PRKD1: variants seen among roughly 807,000 people sequenced by gnomAD.
PRKD1 encodes the protein serine/threonine-protein kinase D1.
A neutral mutation model predicts 95.9 loss-of-function variants in PRKD1; 63 were observed. The observed-to-expected ratio is 0.66, with a 90% CI of 0.54 to 0.81. PRKD1 has a LOEUF of 0.81. Ranked by LOEUF, PRKD1 falls within the 30% of genes least tolerant of loss-of-function variation. The pLI, the probability that PRKD1 is intolerant of heterozygous loss-of-function variation, is 0.00. For missense variants in PRKD1, 1,048 were observed against 1,165.3 expected, an observed-to-expected ratio of 0.90 and a Z score of 1.47; for synonymous variants, 425 against 423.1, an observed-to-expected ratio of 1.00 and a Z score of -0.05.
rs528026056 is a variant in PRKD1, at chr14:29,713,448, T to C, written c.403+12088A>G. On this transcript the variant is annotated intron_variant, in intron 2 of 17. Coordinates refer to ENST00000331968, the MANE Select transcript of PRKD1 (RefSeq NM_002742.3). The stretch of plus-strand genomic sequence containing the variant: ...TTTTTATATGATTCAAGGCAGCTTA[T>C]GAAGTATAACAATAAAGTTATATGA... 9.8e-5 allele frequency among the ~76,000 whole-genome samples: 15 copies of C among 152,322 alleles called. No individual in the cohort carries two copies. In the South Asian group the frequency reaches 3.1e-3, roughly 32 times the overall value.
At chr14:29,634,331 A>C in intron 8 of PRKD1, 87 bp downstream of exon 8, 1 of 1,591,280 alleles carries the variant, frequency 6.3e-7, no homozygotes, top group East Asian at 2.2e-5. Flanking sequence ...TGAGTAATGC[A>C]GAAATCTCAC....
At chr14:29,737,246 C>T (rs1312044759) in intron 1 of PRKD1, among the ~76,000 whole-genome samples, 3 of 142,964 alleles carry the variant, frequency 2.1e-5, no homozygotes, top group Admixed American at 7.3e-5. Context: ...GGCGTGAACC[C>T]GGGAAGCGGA....
chr14:29,648,862 G>A (rs979070018), intron 4 of PRKD1, among the ~76,000 whole-genome samples: 7 of 152,072 alleles, frequency 4.6e-5, no homozygotes, highest in Admixed American at 1.3e-4. Flanking sequence ...CACCGTGTTA[G>A]CCAGGATGGT....
intron 1 of PRKD1, among the ~76,000 whole-genome samples, chr14:29,733,104 A>ATT (rs1203278375): frequency 1.3e-4 from 18 of 136,946 alleles, no homozygotes; most frequent in African/African-American, 4.4e-4. Flanking sequence ...ATTTTTATTT[A>ATT]TTTATTTTTT....
chr14:29,890,571 C>T (rs1893902654), intron 1 of PRKD1, among the ~76,000 whole-genome samples: 1 of 152,114 alleles, frequency 6.6e-6, no homozygotes, highest in Non-Finnish European at 1.5e-5. Flanking sequence ...GTGAGTTAGG[C>T]AATAACCTTA....
chr14:29,709,262 T>C (rs1885229242), intron 2 of PRKD1, among the ~76,000 whole-genome samples: 2 of 151,988 alleles, frequency 1.3e-5, no homozygotes, highest in Admixed American at 6.6e-5. Flanking sequence ...AATAGAAAAA[T>C]ATAGAAGAAT....
chr14:29,777,763 G>C lies in PRKD1; in HGVS notation c.265-52089C>G, dbSNP rs896892128. Among the ~76,000 whole-genome samples the C allele has an allele frequency of 3.9e-5, 6 of 152,224 alleles. No homozygotes were observed. The South Asian group carries it at 8.3e-4, about 21-fold the overall frequency. Reference sequence around the variant, plus strand: ...GACAGAAAGTTACCAAGGATATACAGGAATTGAACTCAGCTCTGCACCAAG... The same window carrying C: ...GACAGAAAGTTACCAAGGATATACACGAATTGAACTCAGCTCTGCACCAAG... On this transcript the variant is annotated intron_variant, in intron 1 of 17. Coordinates refer to ENST00000331968, the MANE Select transcript of PRKD1 (RefSeq NM_002742.3).
At chr14:29,903,327 C>T (rs910407050) in intron 1 of PRKD1, among the ~76,000 whole-genome samples, 2 of 152,174 alleles carry the variant, frequency 1.3e-5, no homozygotes, top group Admixed American at 6.6e-5. Context: ...CTTTGGCACA[C>T]GACCCTTTAA....
At chr14:29,651,057 A>G in intron 4 of PRKD1, among the ~76,000 whole-genome samples, 1 of 152,196 alleles carries the variant, frequency 6.6e-6, no homozygotes, top group Admixed American at 6.5e-5. Context: ...ATAATACTCA[A>G]TGTCAAACAT....
intron 1 of PRKD1, among the ~76,000 whole-genome samples, chr14:29,897,286 A>C: frequency 6.6e-6 from 1 of 152,100 alleles, no homozygotes; most frequent in Admixed American, 6.5e-5. Flanking sequence ...CCTTATTGTA[A>C]TACTACTGTA....
At chr14:29,743,133 T>C (rs1166863144) in intron 1 of PRKD1, among the ~76,000 whole-genome samples, 1 of 152,136 alleles carries the variant, frequency 6.6e-6, no homozygotes. Flanking sequence ...TCTTTGCCTT[T>C]AAAAAAGGGC....
chr14:29,926,113 T>G (rs1309380105), intron 1 of PRKD1, among the ~76,000 whole-genome samples: 1 of 152,224 alleles, frequency 6.6e-6, no homozygotes, highest in Non-Finnish European at 1.5e-5. Flanking sequence ...GATCAGTGAT[T>G]TTTTTCCACC....
At chr14:29,693,918 A>T (rs927692477) in intron 2 of PRKD1, among the ~76,000 whole-genome samples, 2 of 152,178 alleles carry the variant, frequency 1.3e-5, no homozygotes, top group East Asian at 3.8e-4. Context: ...CAGAGCCAAA[A>T]TCCGCCTCCT....
chr14:29,774,151 A>G lies in PRKD1; in HGVS notation c.265-48477T>C, dbSNP rs373567502. ...AAAAACAAACACCTTCTCTGCACTG[A>G]AAGTATAAATGTGCAGGGCAATGAC... On this transcript the variant is annotated intron_variant, in intron 1 of 17. Coordinates refer to ENST00000331968, the MANE Select transcript of PRKD1 (RefSeq NM_002742.3). Among the ~76,000 whole-genome samples, 5 of 152,334 alleles carry G rather than the reference A, an allele frequency of 3.3e-5. No individual in the cohort carries two copies. In the South Asian group the frequency reaches 6.2e-4, roughly 19 times the overall value.
chr14:29,643,111 A>G (rs1169708748), intron 4 of PRKD1, among the ~76,000 whole-genome samples: 1 of 152,136 alleles, frequency 6.6e-6, no homozygotes, highest in East Asian at 1.9e-4. Flanking sequence ...TATTAGCCAT[A>G]TGTTCTATGA....
chr14:29,618,119 T>C (rs1365130301), intron 13 of PRKD1, among the ~76,000 whole-genome samples: 2 of 152,204 alleles, frequency 1.3e-5, no homozygotes, highest in Non-Finnish European at 2.9e-5. Flanking sequence ...CATGTCCTTA[T>C]GAAGGTCAGT....
At chr14:29,823,243 G>T (rs1170740177) in intron 1 of PRKD1, among the ~76,000 whole-genome samples, 2 of 152,068 alleles carry the variant, frequency 1.3e-5, no homozygotes, top group African/African-American at 4.8e-5. Flanking sequence ...CATATTATGC[G>T]AATGTGTGGT....
chr14:29,835,250 T>A (rs576169180), intron 1 of PRKD1, among the ~76,000 whole-genome samples: 25 of 152,316 alleles, frequency 1.6e-4, no homozygotes, highest in Admixed American at 1.6e-3. Context: ...ACCATCTTGG[T>A]TGTGCCGATG....
chr14:29,813,187 A>G (rs1890560474), intron 1 of PRKD1, among the ~76,000 whole-genome samples: 1 of 152,100 alleles, frequency 6.6e-6, no homozygotes, highest in Non-Finnish European at 1.5e-5. Context: ...CCACAAAAAT[A>G]CTCTGGAAAC....
Sources: gnomAD v4.1 joint callset for allele counts (sites outside exome capture counted in the v4.1 genomes callset) on GRCh38, gnomAD v4.1.1 for gene constraint, MANE v1.5 for transcripts, NCBI Gene and HGNC (gene_info 2026-07-23, HGNC 2026-07-21) for gene names.